Variants in WWP1 observed in about 807,000 individuals in gnomAD.
WWP1 encodes NEDD4-like E3 ubiquitin-protein ligase WWP1.
A neutral mutation model predicts 130.6 loss-of-function variants in WWP1; 49 were observed. The observed-to-expected ratio is 0.38, with a 90% CI of 0.30 to 0.48. The LOEUF (loss-of-function observed/expected upper bound fraction) is 0.48, where lower values mean the gene tolerates loss of function less well. Ranked by LOEUF, WWP1 falls within the 20% of genes least tolerant of loss-of-function variation. WWP1 has a pLI of 0.99. For synonymous variants in WWP1, 332 were observed against 367.8 expected (o/e 0.90, Z 1.11); for missense variants, 809 against 1,100.6 (o/e 0.74, Z 3.75).
Position 86,466,901 on chromosome 8 carries a change from T to C in WWP1, c.*8T>C, listed in dbSNP as rs1812201837. On this transcript the variant is annotated 3_prime_UTR_variant, in exon 25 of 25. Transcript: ENST00000517970. The stretch of plus-strand genomic sequence containing the variant: ...GGATTTGGACAAGAATGAATGTGGC[T>C]TCTTATTTTGGAGGAGCTCTTGCAT... The C allele has an allele frequency of 6.3e-7, 1 of 1,597,926 alleles. No homozygotes were observed. Among genetic ancestry groups the C allele is most frequent in the Non-Finnish European group, 8.5e-7 (1 of 1,173,190 alleles).
At position 86,430,728 on chromosome 8, in the gene WWP1, A is replaced by G. The variant is rs1586441229; in HGVS notation, c.1364A>G (p.Tyr455Cys). Reference sequence around the variant, plus strand: ...ATGTTAGCTGCAGAAAATGACCCTTATGGACCTTTGCCACCAGGCTGGGGT... The same window carrying G: ...ATGTTAGCTGCAGAAAATGACCCTTGTGGACCTTTGCCACCAGGCTGGGGT... ...ASMLAAENDP[Y>C]GPLPPGWEKR... The change falls in exon 12 of 25, where the codon TAT (tyrosine) becomes TGT (cysteine). Residue 455 changes from tyrosine to cysteine, a missense_variant. This residue lies in a region of WWP1 where 450 missense variants were observed against 674.2 expected (regional missense o/e 0.67). Coordinates refer to ENST00000517970, the MANE Select transcript of WWP1 (RefSeq NM_007013.4). The G allele has an allele frequency of 6.4e-7, 1 of 1,570,410 alleles. No homozygotes were observed. Among genetic ancestry groups the G allele is most frequent in the Non-Finnish European group, 8.6e-7 (1 of 1,156,618 alleles).
At chr8:86,388,727 C>T (rs972823803) in intron 5 of WWP1, among the ~76,000 whole-genome samples, 1 of 151,886 alleles carries the variant, frequency 6.6e-6, no homozygotes, top group Non-Finnish European at 1.5e-5. Context: ...TATAATAGTT[C>T]TTAATTTATT....
intron 5 of WWP1, among the ~76,000 whole-genome samples, chr8:86,384,548 C>A (rs1395094398): frequency 3.3e-5 from 5 of 152,152 alleles, no homozygotes; most frequent in Admixed American, 3.3e-4. Flanking sequence ...AGGTTCAAGA[C>A]AGCCTTGAAG....
At chr8:86,419,836 G>A (rs759754754) in intron 9 of WWP1, among the ~76,000 whole-genome samples, 5 of 152,132 alleles carry the variant, frequency 3.3e-5, no homozygotes, top group Non-Finnish European at 5.9e-5. Context: ...TATTTTCAGC[G>A]ATTGAAAAAG....
At chr8:86,401,556 A>AG (rs1807980791) in intron 7 of WWP1, among the ~76,000 whole-genome samples, 1 of 152,142 alleles carries the variant, frequency 6.6e-6, no homozygotes, top group Admixed American at 6.5e-5. Flanking sequence ...CTCTAAAAAA[A>AG]AAAAAAAAAG....
At chr8:86,389,177 A>G (rs1339772916) in intron 5 of WWP1, among the ~76,000 whole-genome samples, 1 of 149,464 alleles carries the variant, frequency 6.7e-6, no homozygotes, top group Admixed American at 6.7e-5. Context: ...TTTAGTATTT[A>G]TTGATCATTC....
At chr8:86,372,945 C>T (rs930679459) in intron 2 of WWP1, among the ~76,000 whole-genome samples, 2 of 152,066 alleles carry the variant, frequency 1.3e-5, no homozygotes, top group Non-Finnish European at 2.9e-5. Context: ...ACCAGATGAC[C>T]TACTAACACA....
intron 5 of WWP1, among the ~76,000 whole-genome samples, chr8:86,387,957 C>T (rs752484751): frequency 1.1e-4 from 16 of 152,180 alleles, no homozygotes; most frequent in Non-Finnish European, 2.4e-4. Flanking sequence ...TCTCTGCTAT[C>T]CAATATGGTA....
chr8:86,448,701 A>T lies in WWP1; in HGVS notation c.2273+188A>T, dbSNP rs139583311. Among the ~76,000 whole-genome samples, 26 of 152,094 alleles carry T rather than the reference A, an allele frequency of 1.7e-4. No homozygotes were observed. In the East Asian group the frequency reaches 5.0e-3, roughly 29 times the overall value. The stretch of plus-strand genomic sequence containing the variant: ...TGCCATTTGCTGTAACCATTCTACC[A>T]TTTCCCTTTCCATGTCATTTTCCCT... On this transcript the variant is annotated intron_variant, in intron 20 of 24. Coordinates refer to ENST00000517970, the MANE Select transcript of WWP1 (RefSeq NM_007013.4).
chr8:86,421,746 C>T (rs1809222581), intron 9 of WWP1, among the ~76,000 whole-genome samples: 1 of 152,104 alleles, frequency 6.6e-6, no homozygotes, highest in African/African-American at 2.4e-5. Context: ...ATGGTGTGAA[C>T]CCGGGAGGCG....
chr8:86,351,519 T>G (rs539861068), intron 1 of WWP1, among the ~76,000 whole-genome samples: 1 of 151,858 alleles, frequency 6.6e-6, no homozygotes, highest in South Asian at 2.1e-4. Context: ...TTTTTTTTTT[T>G]TAGTAGAGAT....
intron 3 of WWP1, 59 bp from the exon 4 acceptor site, chr8:86,380,667 T>C (rs537356350): frequency 1.3e-6 from 2 of 1,486,412 alleles, no homozygotes; most frequent in Admixed American, 4.5e-5. Context: ...ATTGATTGAT[T>C]AGTGTGCAGT....
chr8:86,351,800 G>T (rs541288000), intron 1 of WWP1, among the ~76,000 whole-genome samples: 2 of 152,096 alleles, frequency 1.3e-5, no homozygotes, highest in African/African-American at 2.4e-5. Context: ...TTGTCAAAGC[G>T]CAATCCTTAT....
intron 14 of WWP1, 133 bp from the exon 15 acceptor site, chr8:86,435,319 T>G: frequency 2.3e-6 from 2 of 876,322 alleles, no homozygotes; most frequent in Non-Finnish European, 3.6e-6. Context: ...CCACCATGTA[T>G]GTATACCCTT....
chr8:86,463,176 T>C (rs1811856862), intron 24 of WWP1, among the ~76,000 whole-genome samples: 1 of 152,214 alleles, frequency 6.6e-6, no homozygotes, highest in South Asian at 2.1e-4. Flanking sequence ...GACAGACATT[T>C]TCTTGAGAAG....
At chr8:86,462,735 T>C (rs1811834396) in intron 24 of WWP1, among the ~76,000 whole-genome samples, 1 of 152,184 alleles carries the variant, frequency 6.6e-6, no homozygotes, top group Admixed American at 6.5e-5. Context: ...TACTAAGCCA[T>C]TATTTGCCTT....
intron 1 of WWP1, among the ~76,000 whole-genome samples, chr8:86,345,768 C>T (rs939628649): frequency 6.6e-6 from 1 of 152,120 alleles, no homozygotes; most frequent in Non-Finnish European, 1.5e-5. Context: ...CTGATAAGAA[C>T]TCTTACTGTA....
chr8:86,385,004 A>C (rs1409041443), intron 5 of WWP1, among the ~76,000 whole-genome samples: 1 of 145,904 alleles, frequency 6.9e-6, no homozygotes, highest in Non-Finnish European at 1.5e-5. Context: ...AGTCTGGGTG[A>C]CAGAGTAAGA....
At chr8:86,415,804 A>G (rs530860119) in intron 9 of WWP1, among the ~76,000 whole-genome samples, 6 of 152,312 alleles carry the variant, frequency 3.9e-5, no homozygotes, top group African/African-American at 1.4e-4. Flanking sequence ...TTATTTTTCT[A>G]GCACTTAAAT....
Sources: gnomAD v4.1 joint callset for allele counts (sites outside exome capture counted in the v4.1 genomes callset) on GRCh38, gnomAD v4.1.1 for gene constraint, gnomAD v4.1.1 regional missense constraint, MANE v1.5 for transcripts, NCBI Gene and HGNC (gene_info 2026-07-23, HGNC 2026-07-21) for gene names.